Variants in KLHL20 observed in about 807,000 individuals in gnomAD.
KLHL20 encodes kelch-like protein 20.
In KLHL20, 29 loss-of-function variants were observed where a neutral mutation model predicts 69.5. The observed-to-expected ratio is 0.42, with a 90% confidence interval of 0.31 to 0.57. KLHL20 has a LOEUF of 0.57. Among genes scored for constraint, KLHL20 ranks in the 20% least tolerant of loss-of-function variants. KLHL20 has a pLI of 0.18. For missense variants in KLHL20, 419 were observed against 776.0 expected (o/e 0.54, Z 5.47); for synonymous variants, 253 against 265.2 (o/e 0.95, Z 0.45).
At chr1:173,742,075 G>T in intron 3 of KLHL20, 1 of 408,854 alleles carries the variant, frequency 2.4e-6, no homozygotes, top group Non-Finnish European at 4.3e-6. Context: ...TGACCTAACA[G>T]AAAAATGGGC....
rs1313557514 is a variant in KLHL20 at position 173,782,218 on chromosome 1, C to G, written c.1733C>G (p.Ala578Gly). The G allele has an allele frequency of 3.7e-6, 6 of 1,612,298 alleles. No homozygotes were observed. The South Asian group carries it at 4.4e-5, about 12-fold the overall frequency. ...ACCATAGAAGTTTTTGATCCTGATG[C>G]CAATACATGGAGGTAACTTTTAAGC... ...LKTIEVFDPD[A>G]NTWRLYGGMN... Residue 578 changes from alanine (A) to glycine (G), a missense_variant, in exon 11 of 12, where the codon GCC (alanine) becomes GGC (glycine). Ala to Gly is a moderately conservative substitution (Grantham distance 60). This residue lies in a region of KLHL20 where 79 missense variants were observed against 154.4 expected (regional missense o/e 0.51). Coordinates refer to ENST00000209884, the MANE Select transcript of KLHL20 (RefSeq NM_014458.4).
chr1:173,756,945 A>T, intron 6 of KLHL20, 31 bp from the exon 7 acceptor site: 1 of 1,601,990 alleles, frequency 6.2e-7, no homozygotes, highest in Non-Finnish European at 8.5e-7. Flanking sequence ...TCAGGATAGG[A>T]TTCTCTTGAC....
chr1:173,775,672 A>G lies in KLHL20; in HGVS notation c.1468A>G (p.Ile490Val), dbSNP rs566273204. ...YNPQENRWHT[I>V]APMGTRRKHL... ...TCCTCAGGAAAACAGATGGCACACTATAGCCCCTATGGGGACCCGGAGGAA... is the reference window on the plus strand; with the variant it reads ...TCCTCAGGAAAACAGATGGCACACTGTAGCCCCTATGGGGACCCGGAGGAA... The change falls in exon 10 of 12, where the codon ATA (isoleucine) becomes GTA (valine). Residue 490 changes from isoleucine to valine, a missense_variant. Around this residue, in one of 6 missense-constraint regions of KLHL20, gnomAD observed 56 missense variants for 75.9 expected, o/e 0.74. Coordinates refer to ENST00000209884, the MANE Select transcript of KLHL20 (RefSeq NM_014458.4). The G allele has an allele frequency of 2.4e-5, 39 of 1,614,114 alleles. 1 individual carries two copies. Among genetic ancestry groups the G allele is most frequent in the South Asian group, 1.1e-4 (10 of 91,086 alleles).
intron 2 of KLHL20, among the ~76,000 whole-genome samples, chr1:173,728,649 G>A (rs1389325577): frequency 6.6e-6 from 1 of 152,124 alleles, no homozygotes; most frequent in African/African-American, 2.4e-5. Context: ...TGACTACTGA[G>A]CATAACGAAA....
intron 2 of KLHL20, among the ~76,000 whole-genome samples, chr1:173,728,816 AACTAG>A (rs1558184240): frequency 1.3e-5 from 2 of 152,206 alleles, no homozygotes; most frequent in Non-Finnish European, 2.9e-5. Flanking sequence ...CAATTAAAAG[AACTAG>A]AGAAGCAAGA....
intron 7 of KLHL20, among the ~76,000 whole-genome samples, chr1:173,758,483 C>A (rs1673654281): frequency 6.6e-6 from 1 of 152,096 alleles, no homozygotes; most frequent in Non-Finnish European, 1.5e-5. Context: ...CTCAAGAGGA[C>A]CCACAGACCC....
chr1:173,768,144 A>G (rs960111814), intron 8 of KLHL20, among the ~76,000 whole-genome samples: 6 of 152,180 alleles, frequency 3.9e-5, no homozygotes, highest in Non-Finnish European at 7.4e-5. Context: ...TTTGTATAGG[A>G]CATCTTATAA....
chr1:173,749,464 T>C (rs1211914578), intron 3 of KLHL20, among the ~76,000 whole-genome samples: 1 of 152,208 alleles, frequency 6.6e-6, no homozygotes, highest in Non-Finnish European at 1.5e-5. Flanking sequence ...AGCATTATTT[T>C]CTTAACTTGG....
At chr1:173,731,167 A>T (rs1672257779) in intron 2 of KLHL20, among the ~76,000 whole-genome samples, 1 of 152,252 alleles carries the variant, frequency 6.6e-6, no homozygotes, top group Non-Finnish European at 1.5e-5. Context: ...CCACAGTGAG[A>T]TATCATCTCA....
chr1:173,754,772 A>C (rs1673466351), intron 5 of KLHL20, among the ~76,000 whole-genome samples: 1 of 152,192 alleles, frequency 6.6e-6, no homozygotes, highest in African/African-American at 2.4e-5. Context: ...AAAAGTACTT[A>C]TGAAGTCATA....
intron 3 of KLHL20, 70 bp downstream of exon 3, chr1:173,734,356 A>G: frequency 7.9e-7 from 1 of 1,270,700 alleles, no homozygotes. Context: ...TCTGCTAAAT[A>G]ACACTTGCCT....
At chr1:173,778,199 C>G (rs1000221245) in intron 10 of KLHL20, among the ~76,000 whole-genome samples, 3 of 152,082 alleles carry the variant, frequency 2.0e-5, no homozygotes, top group African/African-American at 7.2e-5. Flanking sequence ...TTAGGTATTT[C>G]TCCTAACGCT....
intron 2 of KLHL20, among the ~76,000 whole-genome samples, chr1:173,724,679 C>T (rs1160341167): frequency 3.3e-5 from 5 of 152,130 alleles, no homozygotes; most frequent in African/African-American, 9.7e-5. Context: ...GTGACTCACA[C>T]CTGTAGTCCC....
chr1:173,740,489 T>C (rs1376663469), intron 3 of KLHL20, among the ~76,000 whole-genome samples: 1 of 152,054 alleles, frequency 6.6e-6, no homozygotes, highest in Non-Finnish European at 1.5e-5. Flanking sequence ...CCTTAGATTG[T>C]CTATTTGTAC....
At chr1:173,785,074 T>G (rs1341115417) in intron 11 of KLHL20, 89 bp from the exon 12 acceptor site, 2 of 962,934 alleles carry the variant, frequency 2.1e-6, no homozygotes, top group Non-Finnish European at 3.2e-6. Flanking sequence ...CATAGAAACG[T>G]GTTAATAACA....
At chr1:173,766,487 A>G (rs531717386) in intron 8 of KLHL20, among the ~76,000 whole-genome samples, 198 bp downstream of exon 8, 2 of 151,374 alleles carry the variant, frequency 1.3e-5, no homozygotes, top group South Asian at 4.2e-4. Flanking sequence ...TACAAAAAAA[A>G]AAAAAAAAAT....
At chr1:173,719,310 T>C (rs1240746960) in intron 2 of KLHL20, among the ~76,000 whole-genome samples, 4 of 151,790 alleles carry the variant, frequency 2.6e-5, no homozygotes, top group African/African-American at 9.7e-5. Context: ...TGCCCAGATG[T>C]GTAAGTATAG....
At chr1:173,745,104 G>T (rs1413462583) in intron 3 of KLHL20, among the ~76,000 whole-genome samples, 1 of 144,092 alleles carries the variant, frequency 6.9e-6, no homozygotes, top group African/African-American at 2.5e-5. Context: ...TTCTTCAATT[G>T]TATTTTTGTA....
At chr1:173,756,832 G>A (rs1558208061) in intron 6 of KLHL20, 144 bp from the exon 7 acceptor site, 6 of 618,982 alleles carry the variant, frequency 9.7e-6, no homozygotes, top group Non-Finnish European at 1.7e-5. Context: ...CCAGTGGAAT[G>A]AGTTGAAGTC....
Sources: allele counts gnomAD v4.1 joint callset (sites outside exome capture counted in the v4.1 genomes callset), GRCh38; gene constraint gnomAD v4.1.1; regional missense constraint gnomAD v4.1.1; transcripts MANE v1.5; gene names NCBI Gene and HGNC (gene_info 2026-07-23, HGNC 2026-07-21).